Variants in CDH11 observed in about 807,000 individuals in gnomAD.
CDH11 encodes cadherin 11, also known as cadherin-11.
CDH11 carries 11 observed loss-of-function variants against 67.8 expected under a neutral mutation model. The ratio of observed to expected loss-of-function variants is 0.16; its 90% CI spans 0.10 to 0.27. CDH11 has a LOEUF of 0.27. Ranked by LOEUF, CDH11 falls within the 10% of genes least tolerant of loss-of-function variation. The pLI is 1.00. For missense variants in CDH11, 847 were observed against 1,031.2 expected (o/e 0.82, Z 2.45); for synonymous variants, 419 against 400.0 (o/e 1.05, Z -0.57).
intron 7 of CDH11, chr16:64,987,715 T>G (rs1408463201): frequency 2.0e-5 from 3 of 153,192 alleles, no homozygotes; most frequent in Non-Finnish European, 4.4e-5. Context: ...AGAGAAGGCT[T>G]CAGTTTCACA....
intron 4 of CDH11, among the ~76,000 whole-genome samples, chr16:64,993,784 G>A (rs2072693055): frequency 6.6e-6 from 1 of 152,078 alleles, no homozygotes; most frequent in Admixed American, 6.6e-5. Flanking sequence ...CAAGTATCTG[G>A]GGCATGGCAT....
At chr16:65,094,740 T>C (rs2074857651) in intron 1 of CDH11, 1 of 152,168 alleles carries the variant, frequency 6.6e-6, no homozygotes, top group South Asian at 2.1e-4. Context: ...TTAATGCCCT[T>C]ATCAAGGGAC....
intron 8 of CDH11, among the ~76,000 whole-genome samples, chr16:64,979,529 C>A (rs2072272574): frequency 6.6e-6 from 1 of 152,070 alleles, no homozygotes; most frequent in Non-Finnish European, 1.5e-5. Context: ...AATGATATAT[C>A]ATTTCATACC....
At chr16:65,038,327 G>A (rs563483468) in intron 2 of CDH11, among the ~76,000 whole-genome samples, 2 of 152,066 alleles carry the variant, frequency 1.3e-5, no homozygotes, top group Non-Finnish European at 2.9e-5. Flanking sequence ...AAAATGTCTC[G>A]TGAAAATAAA....
intron 1 of CDH11, among the ~76,000 whole-genome samples, chr16:65,120,957 G>A (rs1597219932): frequency 6.6e-6 from 1 of 152,210 alleles, no homozygotes; most frequent in South Asian, 2.1e-4. Context: ...CATCTGGCCA[G>A]CTTCTCAGTG....
intron 2 of CDH11, among the ~76,000 whole-genome samples, chr16:65,049,679 G>T (rs1363443781): frequency 6.6e-6 from 1 of 152,234 alleles, no homozygotes; most frequent in Middle Eastern, 3.4e-3. Context: ...GGATGTTCAG[G>T]TGACCTACCA....
At chr16:65,084,599 T>A (rs1597174258) in intron 1 of CDH11, among the ~76,000 whole-genome samples, 1 of 152,324 alleles carries the variant, frequency 6.6e-6, no homozygotes, top group East Asian at 1.9e-4. Context: ...TAGTCGTCAT[T>A]TTTGTGCAGA....
At chr16:65,063,346 A>G (rs2074263885) in intron 1 of CDH11, among the ~76,000 whole-genome samples, 1 of 152,218 alleles carries the variant, frequency 6.6e-6, no homozygotes, top group South Asian at 2.1e-4. Flanking sequence ...GAGAAAAAAC[A>G]AACAAACGAA....
chr16:65,076,687 C>T (rs999856143), intron 1 of CDH11, among the ~76,000 whole-genome samples: 2 of 148,710 alleles, frequency 1.3e-5, no homozygotes, highest in East Asian at 2.0e-4. Flanking sequence ...TAGCCCCCCA[C>T]CCCCCGACAA....
At chr16:65,068,322 G>A (rs1426203959) in intron 1 of CDH11, among the ~76,000 whole-genome samples, 1 of 148,450 alleles carries the variant, frequency 6.7e-6, no homozygotes, top group Admixed American at 6.8e-5. Flanking sequence ...ACACAAGGAG[G>A]CAGTGTCTTA....
At chr16:65,039,655 G>C (rs2073825973) in intron 2 of CDH11, among the ~76,000 whole-genome samples, 1 of 152,144 alleles carries the variant, frequency 6.6e-6, no homozygotes, top group Non-Finnish European at 1.5e-5. Flanking sequence ...CATGGGTAAA[G>C]ACTTCATGTC....
chr16:64,979,725 T>C (rs1344747513), intron 8 of CDH11, among the ~76,000 whole-genome samples: 1 of 152,136 alleles, frequency 6.6e-6, no homozygotes, highest in Non-Finnish European at 1.5e-5. Context: ...CCTAGGTATA[T>C]GCCCAGGAAA....
At chr16:64,949,190 C>T (rs74026208) in intron 12 of CDH11, among the ~76,000 whole-genome samples, 1,756 of 152,280 alleles carry the variant, frequency 0.012, 28 homozygotes, top group African/African-American at 0.04. Flanking sequence ...CTTTTTCATG[C>T]ACCAGCCTGG....
intron 1 of CDH11, among the ~76,000 whole-genome samples, chr16:65,070,199 T>C (rs1166058485): frequency 1.3e-5 from 2 of 152,144 alleles, no homozygotes; most frequent in Non-Finnish European, 2.9e-5. Context: ...CGTTATTTTA[T>C]GGGGCAACAA....
Position 64,946,038 on chromosome 16 carries a change from T to C in CDH11, c.*1565A>G. 5.7e-6 allele frequency: 6 copies of C among 1,058,934 alleles called. No homozygotes were observed. The highest frequency in any genetic ancestry group is 6.9e-6 in the Non-Finnish European group (6 of 875,318). The allele number at this position is 1,058,934 out of a possible 1,614,324, so 65.6% of individuals were successfully genotyped here. On this transcript the variant is annotated 3_prime_UTR_variant, in exon 13 of 13. Coordinates refer to ENST00000268603, the MANE Select transcript of CDH11 (RefSeq NM_001797.4). ...TCAATCCCCAAGAAACTAGCTGGAATGCAGGGGACTGTAGACACACTCCTG... is the reference window on the plus strand; with the variant it reads ...TCAATCCCCAAGAAACTAGCTGGAACGCAGGGGACTGTAGACACACTCCTG...
chr16:64,949,180 C>G, intron 12 of CDH11, among the ~76,000 whole-genome samples: 1 of 152,156 alleles, frequency 6.6e-6, no homozygotes, highest in East Asian at 1.9e-4. Flanking sequence ...CTACTGGCAC[C>G]TTTTTCATGC....
chr16:65,059,501 C>T (rs1305055903), intron 1 of CDH11: 1 of 152,174 alleles, frequency 6.6e-6, no homozygotes, highest in Non-Finnish European at 1.5e-5. Context: ...TCCATTGTCA[C>T]CATGGTAATT....
chr16:64,998,234 A>G (rs1157121025), intron 4 of CDH11, among the ~76,000 whole-genome samples: 1 of 152,234 alleles, frequency 6.6e-6, no homozygotes, highest in Non-Finnish European at 1.5e-5. Flanking sequence ...CTCATTGTAA[A>G]GATTAATCAT....
At chr16:65,068,321 G>A (rs2074354733) in intron 1 of CDH11, among the ~76,000 whole-genome samples, 1 of 149,864 alleles carries the variant, frequency 6.7e-6, no homozygotes, top group Non-Finnish European at 1.5e-5. Flanking sequence ...CACACAAGGA[G>A]GCAGTGTCTT....
Sources: allele counts gnomAD v4.1 joint callset (sites outside exome capture counted in the v4.1 genomes callset), GRCh38; gene constraint gnomAD v4.1.1; transcripts MANE v1.5; gene names NCBI Gene and HGNC (gene_info 2026-07-23, HGNC 2026-07-21).